Variants in CNOT2 observed in about 807,000 individuals in gnomAD.
The protein encoded by CNOT2 is CCR4-NOT transcription complex subunit 2, also known as CC chemokine receptor 4-negative regulator of transcription 2.
CNOT2 carries 7 observed loss-of-function variants against 72.1 expected under a neutral mutation model. The observed-to-expected ratio is 0.10, with a 90% confidence interval of 0.06 to 0.18. The LOEUF (loss-of-function observed/expected upper bound fraction) is 0.18, where lower values mean the gene tolerates loss of function less well. Among genes scored for constraint, CNOT2 ranks in the 10% least tolerant of loss-of-function variants. CNOT2 has a pLI of 1.00. For missense variants in CNOT2, 345 were observed against 660.3 expected, an observed-to-expected ratio of 0.52 and a Z score of 5.23; for synonymous variants, 196 against 225.6, an observed-to-expected ratio of 0.87 and a Z score of 1.17.
intron 2 of CNOT2, chr12:70,301,873 A>C (rs1421886026): frequency 6.6e-6 from 1 of 152,030 alleles, no homozygotes; most frequent in Non-Finnish European, 1.5e-5. Flanking sequence ...TTGGTAAGCT[A>C]TTAATTATTG....
rs778308297 is a variant in CNOT2 at position 70,336,167 on chromosome 12, G to A, written c.775+604G>A. 2.0e-5 allele frequency: 3 copies of A among 152,088 alleles called. 1 individual carries two copies. Among genetic ancestry groups the A allele is most frequent in the East Asian group, 3.9e-4 (2 of 5,162 alleles). 9.4% of individuals were successfully genotyped at this position (152,088 alleles called of 1,614,324 possible). A position where few individuals can be genotyped will look rare whatever the true frequency, so the allele number is the denominator to read the frequency against. On this transcript the variant is annotated intron_variant, in intron 8 of 15. Coordinates refer to ENST00000229195, the MANE Select transcript of CNOT2 (RefSeq NM_014515.7). Reference sequence around the variant, plus strand: ...ACAGACACAAATGTTTTCAGACATTGGCAGATGTCACCTGGGGAAAAAAAA... The same window carrying A: ...ACAGACACAAATGTTTTCAGACATTAGCAGATGTCACCTGGGGAAAAAAAA...
chr12:70,331,526 C>T (rs915741407), intron 6 of CNOT2: 1 of 151,680 alleles, frequency 6.6e-6, no homozygotes, highest in African/African-American at 2.4e-5. Flanking sequence ...TTTTAAAATA[C>T]ACTTTGCTTA....
At chr12:70,292,096 T>A (rs1490989833) in intron 2 of CNOT2, among the ~76,000 whole-genome samples, 1 of 152,128 alleles carries the variant, frequency 6.6e-6, no homozygotes, top group African/African-American at 2.4e-5. Context: ...AAACTAGTAG[T>A]TTACAGTGGA....
chr12:70,273,040 T>C (rs376675360), intron 1 of CNOT2, among the ~76,000 whole-genome samples: 7 of 152,168 alleles, frequency 4.6e-5, no homozygotes, highest in African/African-American at 1.7e-4. Context: ...AATTTCTCTC[T>C]CTCCATCTTG....
chr12:70,354,760 A>ACT lies in CNOT2; in HGVS notation c.*846_*847dup, dbSNP rs1183534550. On this transcript the variant is annotated 3_prime_UTR_variant, in exon 16 of 16. Transcript: ENST00000229195. ...ATATATGAAAATGGGACATTCTGGAACTGCTGGTCAGGGGACTTTGTCGCC... is the reference window on the plus strand; with the variant it reads ...ATATATGAAAATGGGACATTCTGGAACTCTGCTGGTCAGGGGACTTTGTCGCC... 6.6e-6 allele frequency: 1 copy of ACT among 152,588 alleles called. No individual in the cohort carries two copies. Among genetic ancestry groups the ACT allele is most frequent in the Non-Finnish European group, 1.5e-5 (1 of 68,022 alleles). The allele number at this position is 152,588 out of a possible 1,614,324, so 9.5% of individuals were successfully genotyped here.
intron 3 of CNOT2, among the ~76,000 whole-genome samples, chr12:70,315,727 A>G (rs1789764767): frequency 2.0e-5 from 3 of 152,142 alleles, no homozygotes; most frequent in African/African-American, 4.8e-5. Context: ...TCTGAGAGAT[A>G]TGGAAGACCT....
intron 13 of CNOT2, 162 bp from the exon 14 acceptor site, chr12:70,343,966 A>C: frequency 4.5e-6 from 2 of 447,362 alleles, no homozygotes; most frequent in East Asian, 6.9e-5. Context: ...ATTCCCTTTT[A>C]GAATCTTAAC....
intron 4 of CNOT2, among the ~76,000 whole-genome samples, chr12:70,325,468 G>A (rs986441357): frequency 7.9e-5 from 12 of 151,800 alleles, no homozygotes; most frequent in African/African-American, 2.9e-4. Context: ...TGCAAAAAAG[G>A]CATTGAAATA....
chr12:70,289,578 A>G (rs1871510161), intron 2 of CNOT2, among the ~76,000 whole-genome samples: 2 of 152,054 alleles, frequency 1.3e-5, no homozygotes. Context: ...GCATATACCT[A>G]ATTGCCTGGA....
intron 1 of CNOT2, among the ~76,000 whole-genome samples, chr12:70,252,341 C>G (rs919746131): frequency 2.6e-5 from 4 of 152,080 alleles, no homozygotes; most frequent in African/African-American, 9.7e-5. Context: ...CGCATGCCAC[C>G]ATGCCCGGCA....
chr12:70,266,885 CTATCTA>C (rs1449247666), intron 1 of CNOT2, among the ~76,000 whole-genome samples: 3 of 151,868 alleles, frequency 2.0e-5, no homozygotes, highest in Admixed American at 2.0e-4. Context: ...TTCTTTTGGA[CTATCTA>C]TATCTAATAT....
At chr12:70,315,725 A>T (rs1877218077) in intron 3 of CNOT2, among the ~76,000 whole-genome samples, 1 of 152,034 alleles carries the variant, frequency 6.6e-6, no homozygotes. Context: ...TTTCTGAGAG[A>T]TATGGAAGAC....
intron 2 of CNOT2, among the ~76,000 whole-genome samples, chr12:70,299,389 A>G (rs1228969703): frequency 2.2e-5 from 1 of 45,566 alleles, no homozygotes; most frequent in Non-Finnish European, 4.2e-5. Flanking sequence ...CCACCCCCCA[A>G]CAGTCCCCGG....
chr12:70,254,954 C>A (rs1187248156), intron 1 of CNOT2, among the ~76,000 whole-genome samples: 1 of 145,418 alleles, frequency 6.9e-6, no homozygotes, highest in African/African-American at 2.6e-5. Context: ...GTACACCAGC[C>A]TGGGTGACAG....
At chr12:70,294,404 A>C in intron 2 of CNOT2, 2 of 565,266 alleles carry the variant, frequency 3.5e-6, no homozygotes, top group South Asian at 4.0e-5. Flanking sequence ...TTAGAAATAT[A>C]ATGTTTGTTA....
At chr12:70,293,146 G>A (rs374483433) in intron 2 of CNOT2, among the ~76,000 whole-genome samples, 9 of 149,452 alleles carry the variant, frequency 6.0e-5, no homozygotes, top group East Asian at 5.9e-4. Context: ...TTGTAAAAGT[G>A]AATTGATTTC....
rs184800732 is a variant in CNOT2, at chr12:70,247,500, G to A, written c.-96+4020G>A. 1.5e-3 allele frequency among the ~76,000 whole-genome samples: 235 copies of A among 152,200 alleles called. 1 individual carries two copies. The highest frequency in any genetic ancestry group is 5.6e-3 in the African/African-American group (232 of 41,516). On this transcript the variant is annotated intron_variant, in intron 1 of 15. Coordinates refer to ENST00000229195, the MANE Select transcript of CNOT2 (RefSeq NM_014515.7). ...TATGTTATTGCATGTATGTGTGTGG[G>A]GGGCAGGTGGTAGTGCATATTTTAT...
rs188091842 is a variant in CNOT2 at position 70,247,512 on chromosome 12, A to G, written c.-96+4032A>G. Reference sequence around the variant, plus strand: ...TGTATGTGTGTGGGGGGCAGGTGGTAGTGCATATTTTATGTATCTTTCACT... The same window carrying G: ...TGTATGTGTGTGGGGGGCAGGTGGTGGTGCATATTTTATGTATCTTTCACT... On this transcript the variant is annotated intron_variant, in intron 1 of 15. Transcript: ENST00000229195. Among the ~76,000 whole-genome samples, 8 of 152,250 alleles carry G rather than the reference A, an allele frequency of 5.3e-5. No individual in the cohort carries two copies. In the East Asian group the frequency reaches 1.4e-3, roughly 26 times the overall value.
At position 70,288,330 on chromosome 12, in the gene CNOT2, A is replaced by C. The variant is rs149392443; in HGVS notation, c.48+10056A>C. Among the ~76,000 whole-genome samples, 1,069 of 151,762 alleles carry C rather than the reference A, an allele frequency of 7.0e-3. 7 individuals carry two copies. Among genetic ancestry groups the C allele is most frequent in the Middle Eastern group, 0.014 (4 of 292 alleles). On this transcript the variant is annotated intron_variant, in intron 2 of 15. Coordinates refer to ENST00000229195, the MANE Select transcript of CNOT2 (RefSeq NM_014515.7). ...AGCTAATTTTTTTTGTATTTTTAGT[A>C]TGGATGAGGTTTCACCACATTGGCC...
Sources: allele counts gnomAD v4.1 joint callset (sites outside exome capture counted in the v4.1 genomes callset), GRCh38; gene constraint gnomAD v4.1.1; transcripts MANE v1.5; gene names NCBI Gene and HGNC (gene_info 2026-07-23, HGNC 2026-07-21).